The following PRKD1 variants were observed in gnomAD, a reference collection of about 807,000 sequenced individuals.
PRKD1 encodes serine/threonine-protein kinase D1.
Under a neutral mutation model 95.9 loss-of-function variants are expected in PRKD1, and 63 were observed. The observed-to-expected ratio is 0.66, with a 90% CI of 0.54 to 0.81. The LOEUF is 0.81. Among genes scored for constraint, PRKD1 ranks in the 30% least tolerant of loss-of-function variants. The probability of loss-of-function intolerance (pLI) is 0.00; values close to 1 mark genes in which losing one functional copy is unlikely to be tolerated. For synonymous variants in PRKD1, 425 were observed against 423.1 expected, an observed-to-expected ratio of 1.00 and a Z score of -0.05; for missense variants, 1,048 against 1,165.3, an observed-to-expected ratio of 0.90 and a Z score of 1.47.
At chr14:29,613,768 C>T (rs1878646558) in intron 13 of PRKD1, among the ~76,000 whole-genome samples, 2 of 152,194 alleles carry the variant, frequency 1.3e-5, no homozygotes, top group South Asian at 4.1e-4. Context: ...TCTCCATGAA[C>T]CCACAGTAAG....
chr14:29,638,785 T>A lies in PRKD1; in HGVS notation c.816A>T (p.Thr272=). Reference sequence around the variant, plus strand: ...GCCGGGTGTAGGAGTGGATGACAAATGTGTGCGGCACTTTAACTTTAGACA... The same window carrying A: ...GCCGGGTGTAGGAGTGGATGACAAAAGTGTGCGGCACTTTAACTTTAGACA... ...ILMSKVKVPH[T]FVIHSYTRPT... Residue 272 remains threonine (T), a synonymous_variant, in exon 5 of 18, where the codon ACA becomes ACT. Transcript: ENST00000331968. 1 of 1,613,986 alleles carries A rather than the reference T, an allele frequency of 6.2e-7. No homozygotes were observed. The highest frequency in any genetic ancestry group is 2.2e-5 in the East Asian group (1 of 44,832).
At chr14:29,765,945 G>T (rs761067773) in intron 1 of PRKD1, among the ~76,000 whole-genome samples, 2 of 152,058 alleles carry the variant, frequency 1.3e-5, no homozygotes, top group African/African-American at 2.4e-5. Flanking sequence ...CTAGACCTGG[G>T]GGTGACTGCA....
At chr14:29,902,620 C>G (rs1452439612) in intron 1 of PRKD1, among the ~76,000 whole-genome samples, 2 of 152,088 alleles carry the variant, frequency 1.3e-5, no homozygotes, top group South Asian at 2.1e-4. Flanking sequence ...CAGTATGGAG[C>G]CTTGCTTAAT....
chr14:29,613,870 T>G (rs1358096528), intron 13 of PRKD1, among the ~76,000 whole-genome samples: 1 of 152,224 alleles, frequency 6.6e-6, no homozygotes, highest in African/African-American at 2.4e-5. Flanking sequence ...AGATTTTTTA[T>G]GAGATATGTG....
intron 1 of PRKD1, among the ~76,000 whole-genome samples, chr14:29,868,832 A>G (rs983851352): frequency 6.6e-6 from 1 of 152,224 alleles, no homozygotes; most frequent in South Asian, 2.1e-4. Flanking sequence ...TCTAGTTCCT[A>G]TGGAAACATG....
intron 1 of PRKD1, among the ~76,000 whole-genome samples, chr14:29,767,939 G>A (rs1209250967): frequency 6.6e-6 from 1 of 152,184 alleles, no homozygotes; most frequent in Non-Finnish European, 1.5e-5. Flanking sequence ...ATTGTTTCAA[G>A]CAAGAGGTAA....
At chr14:29,878,891 T>C (rs149947074) in intron 1 of PRKD1, among the ~76,000 whole-genome samples, 1 of 152,320 alleles carries the variant, frequency 6.6e-6, no homozygotes, top group Non-Finnish European at 1.5e-5. Flanking sequence ...ATGATTAAAA[T>C]GGTAAATTTA....
intron 2 of PRKD1, among the ~76,000 whole-genome samples, chr14:29,674,053 C>T (rs902337532): frequency 5.3e-5 from 8 of 151,950 alleles, no homozygotes; most frequent in African/African-American, 7.3e-5. Flanking sequence ...CTTGGCATAC[C>T]GGTGGGAGCT....
intron 1 of PRKD1, among the ~76,000 whole-genome samples, chr14:29,795,785 GCCCAAAAATATAAGA>G (rs1566606134): frequency 6.6e-6 from 1 of 152,024 alleles, no homozygotes; most frequent in African/African-American, 2.4e-5. Flanking sequence ...ACATTTTCAT[GCCCAAAAATATAAGA>G]AATAGTCCGT....
At chr14:29,597,415 CAATTA>C (rs1893347318) in intron 16 of PRKD1, 71 bp downstream of exon 16, 1 of 1,321,172 alleles carries the variant, frequency 7.6e-7, no homozygotes, top group African/African-American at 1.5e-5. Context: ...TAATAATTTA[CAATTA>C]AATTAATTTA....
At chr14:29,848,492 A>T (rs1214896981) in intron 1 of PRKD1, among the ~76,000 whole-genome samples, 1 of 152,136 alleles carries the variant, frequency 6.6e-6, no homozygotes. Context: ...CAGGCTCAGA[A>T]GGAACTTGAA....
intron 13 of PRKD1, among the ~76,000 whole-genome samples, chr14:29,623,325 C>T (rs1879400836): frequency 6.6e-6 from 1 of 152,034 alleles, no homozygotes; most frequent in Admixed American, 6.6e-5. Flanking sequence ...AGGTTTTTAT[C>T]ATATGAAACT....
chr14:29,812,683 G>A (rs1452027633), intron 1 of PRKD1, among the ~76,000 whole-genome samples: 2 of 152,200 alleles, frequency 1.3e-5, no homozygotes, highest in African/African-American at 4.8e-5. Context: ...TCACTATCAG[G>A]AGAACAGCAG....
At chr14:29,826,644 T>C (rs1397307987) in intron 1 of PRKD1, among the ~76,000 whole-genome samples, 1 of 50,744 alleles carries the variant, frequency 2.0e-5, no homozygotes, top group African/African-American at 8.7e-5. Context: ...TGTGTGTGTG[T>C]ATATATATGT....
intron 11 of PRKD1, among the ~76,000 whole-genome samples, chr14:29,627,910 G>T (rs1240180693): frequency 6.6e-6 from 1 of 152,152 alleles, no homozygotes; most frequent in Non-Finnish European, 1.5e-5. Flanking sequence ...TACTTCATCT[G>T]TTAAGAGAAG....
intron 1 of PRKD1, among the ~76,000 whole-genome samples, chr14:29,781,097 C>T (rs1889022766): frequency 7.7e-6 from 1 of 129,632 alleles, no homozygotes; most frequent in South Asian, 2.5e-4. Context: ...AATGAGAACA[C>T]TTGGACACAG....
intron 1 of PRKD1, among the ~76,000 whole-genome samples, chr14:29,754,079 C>T (rs376880499): frequency 6.6e-6 from 1 of 152,258 alleles, no homozygotes; most frequent in South Asian, 2.1e-4. Flanking sequence ...AAACTCTTTG[C>T]CAACATTGGC....
At chr14:29,670,771 T>C (rs1376362946) in intron 2 of PRKD1, among the ~76,000 whole-genome samples, 1 of 152,164 alleles carries the variant, frequency 6.6e-6, no homozygotes. Flanking sequence ...TCCCAGTCTC[T>C]CCAAGCCAGT....
At chr14:29,579,645 A>G (rs1892688311) in intron 16 of PRKD1, among the ~76,000 whole-genome samples, 1 of 152,326 alleles carries the variant, frequency 6.6e-6, no homozygotes, top group East Asian at 1.9e-4. Context: ...AGTGTCAGGC[A>G]AAGAAAAGTG....
Sources: gnomAD v4.1 joint callset for allele counts (sites outside exome capture counted in the v4.1 genomes callset) on GRCh38, gnomAD v4.1.1 for gene constraint, MANE v1.5 for transcripts, NCBI Gene and HGNC (gene_info 2026-07-23, HGNC 2026-07-21) for gene names.